CUX1: variants seen among roughly 807,000 people sequenced by gnomAD.
The protein encoded by CUX1 is cut like homeobox 1.
A neutral mutation model predicts 158.8 loss-of-function variants in CUX1; 31 were observed. The ratio of observed to expected loss-of-function variants is 0.20; its 90% CI spans 0.15 to 0.26. The LOEUF is 0.26. CUX1 is among the 10% of genes least tolerant of loss of function. CUX1 has a pLI of 1.00. For synonymous variants in CUX1, 879 were observed against 862.1 expected, an observed-to-expected ratio of 1.02 and a Z score of -0.34; for missense variants, 1,589 against 2,014.6, an observed-to-expected ratio of 0.79 and a Z score of 4.04.
At chr7:101,952,571 T>C (rs1333403957) in intron 2 of CUX1, among the ~76,000 whole-genome samples, 1 of 152,196 alleles carries the variant, frequency 6.6e-6, no homozygotes, top group African/African-American at 2.4e-5. Flanking sequence ...TGGCCCTTTG[T>C]CATCTGGTCT....
chr7:102,227,447 A>C lies in CUX1; in HGVS notation c.3211A>C (p.Thr1071Pro). Residue 1071 changes from threonine (T) to proline (P), a missense_variant, in exon 21 of 24, where the codon ACC becomes CCC. Thr to Pro is a conservative substitution (Grantham distance 38). Coordinates refer to ENST00000292535, the MANE Select transcript of CUX1 (RefSeq NM_181552.4). ...TTCCAGTGAGTCGGTGAAGAGCCTG[A>C]CCGAGCTGGTCCAGCAGCCCTGTCC... is the stretch of plus-strand genomic sequence containing the variant. ...MSSSESVKSLTELVQQPCPPI... is the reference protein window; with the variant it reads ...MSSSESVKSLPELVQQPCPPI... The C allele has an allele frequency of 2.5e-6, 4 of 1,613,974 alleles. No individual in the cohort carries two copies. The highest frequency in any genetic ancestry group is 3.4e-6 in the Non-Finnish European group (4 of 1,180,010).
intron 2 of CUX1, among the ~76,000 whole-genome samples, chr7:101,952,917 G>T (rs1238152347): frequency 6.6e-6 from 1 of 152,216 alleles, no homozygotes; most frequent in East Asian, 1.9e-4. Flanking sequence ...GAGGACATGG[G>T]CTCTGTCGGG....
chr7:101,888,858 G>A (rs935250530), intron 1 of CUX1, among the ~76,000 whole-genome samples: 12 of 151,940 alleles, frequency 7.9e-5, no homozygotes, highest in Non-Finnish European at 1.3e-4. Context: ...CCAAAGTGCC[G>A]GAATTATAGG....
At chr7:101,872,421 A>G (rs183647413) in intron 1 of CUX1, among the ~76,000 whole-genome samples, 8 of 152,240 alleles carry the variant, frequency 5.3e-5, no homozygotes, top group Admixed American at 5.2e-4. Flanking sequence ...GGCATGAGCC[A>G]CCGCGCCCGG....
intron 1 of CUX1, among the ~76,000 whole-genome samples, chr7:101,849,003 T>C (rs2131245158): frequency 6.6e-6 from 1 of 152,160 alleles, no homozygotes; most frequent in South Asian, 2.1e-4. Context: ...GGCCCCGGGT[T>C]TTGTTTTCTT....
intron 9 of CUX1, among the ~76,000 whole-genome samples, chr7:102,166,350 G>A (rs1339395258): frequency 2.0e-5 from 3 of 152,122 alleles, no homozygotes; most frequent in African/African-American, 4.8e-5. Flanking sequence ...GCGAGGGGCC[G>A]TTCTCATGGT....
At chr7:101,881,398 C>T (rs1244253855) in intron 1 of CUX1, among the ~76,000 whole-genome samples, 1 of 152,222 alleles carries the variant, frequency 6.6e-6, no homozygotes, top group Non-Finnish European at 1.5e-5. Flanking sequence ...GCATCAAAAG[C>T]AGCTTCTTAC....
At chr7:102,233,658 G>A (rs1222423282) in intron 21 of CUX1, among the ~76,000 whole-genome samples, 1 of 152,190 alleles carries the variant, frequency 6.6e-6, no homozygotes, top group Non-Finnish European at 1.5e-5. Flanking sequence ...GTGGTGGCGA[G>A]CACCTGTAGT....
chr7:102,198,641 G>A (rs547176133), intron 15 of CUX1, among the ~76,000 whole-genome samples, 161 bp from the exon 16 acceptor site: 126 of 152,312 alleles, frequency 8.3e-4, no homozygotes, highest in Non-Finnish European at 1.5e-3. Context: ...GTCAGCCAGG[G>A]AAGGGCCTCT....
chr7:102,112,106 G>T, intron 7 of CUX1: 1 of 118,548 alleles, frequency 8.4e-6, no homozygotes. Flanking sequence ...AACAATAATA[G>T]AAAAAAAAAA....
intron 4 of CUX1, among the ~76,000 whole-genome samples, chr7:102,071,222 G>C (rs920240945): frequency 6.6e-6 from 1 of 152,172 alleles, no homozygotes; most frequent in Non-Finnish European, 1.5e-5. Context: ...GCCTCCTAAA[G>C]TGCTGTGAGG....
chr7:102,277,964 C>A (rs1554548119), exon 18 of CUX1: 18 of 1,566,306 alleles, frequency 1.1e-5, no homozygotes, highest in Admixed American at 5.5e-5. Flanking sequence ...CCGCCTGGCC[C>A]AGCACACCCT....
chr7:102,273,509 T>C (rs1586518910), intron 15 of CUX1: 1 of 1,587,704 alleles, frequency 6.3e-7, no homozygotes, highest in Non-Finnish European at 8.6e-7. Flanking sequence ...CCCACCCCCC[T>C]GCCCCATGCC....
rs1789992102 is a variant in CUX1 at position 102,257,226 on chromosome 7, A to G, written c.*8184A>G. 1 of 985,240 alleles carries G rather than the reference A, an allele frequency of 1.0e-6. No homozygotes were observed. The highest frequency in any genetic ancestry group is 1.2e-6 in the Non-Finnish European group (1 of 829,906). The allele number at this position is 985,240 out of a possible 1,614,324, so 61.0% of individuals were successfully genotyped here. ...CCATATCATCACCTCCCCTTCTCCA[A>G]GATTGCCGGGGGCCCTGATTTTGTT... is the stretch of plus-strand genomic sequence containing the variant. On this transcript the variant is annotated 3_prime_UTR_variant, in exon 24 of 24. Coordinates refer to ENST00000292535, the MANE Select transcript of CUX1 (RefSeq NM_181552.4).
In CUX1 at chr7:102,257,532, T is replaced by C. The variant is rs943713603; in HGVS notation, c.*8490T>C. 4.1e-6 allele frequency: 4 copies of C among 985,268 alleles called. No homozygotes were observed. The African/African-American group carries it at 7.0e-5, about 17-fold the overall frequency. 61.0% of individuals were successfully genotyped at this position (985,268 alleles called of 1,614,324 possible). A position where few individuals can be genotyped will look rare whatever the true frequency, so the allele number is the denominator to read the frequency against. On this transcript the variant is annotated 3_prime_UTR_variant, in exon 24 of 24. Coordinates refer to ENST00000292535, the MANE Select transcript of CUX1 (RefSeq NM_181552.4). ...AGTGGGGGTAAAAAGAAGGTGGTTTTCCCCACATCCCTTTGCATTGAATAA... is the reference window on the plus strand; with the variant it reads ...AGTGGGGGTAAAAAGAAGGTGGTTTCCCCCACATCCCTTTGCATTGAATAA...
intron 1 of CUX1, among the ~76,000 whole-genome samples, chr7:101,857,483 G>T (rs1328928717): frequency 6.6e-6 from 1 of 152,208 alleles, no homozygotes; most frequent in East Asian, 1.9e-4. Flanking sequence ...GTAGGCCTCC[G>T]AAGTCAGCTG....
At chr7:101,832,564 C>T (rs781723193) in intron 1 of CUX1, among the ~76,000 whole-genome samples, 10 of 152,154 alleles carry the variant, frequency 6.6e-5, no homozygotes, top group African/African-American at 2.2e-4. Context: ...GTGACTCACG[C>T]GGGGAGTTGG....
chr7:102,170,343 T>G (rs2131683662), intron 9 of CUX1, 103 bp from the exon 10 acceptor site: 1 of 791,348 alleles, frequency 1.3e-6, no homozygotes, highest in Non-Finnish European at 2.0e-6. Context: ...TTTAGGAAAA[T>G]CAATTATAGT....
At chr7:102,282,632 G>A in intron 21 of CUX1, 1 of 1,481,944 alleles carries the variant, frequency 6.7e-7, no homozygotes. Context: ...TATGTTCCAG[G>A]CCAGGCCCAG....
Sources: gnomAD v4.1 joint callset for allele counts (sites outside exome capture counted in the v4.1 genomes callset) on GRCh38, gnomAD v4.1.1 for gene constraint, MANE v1.5 for transcripts, NCBI Gene and HGNC (gene_info 2026-07-23, HGNC 2026-07-21) for gene names.